The following PIGG variants were observed in gnomAD, a reference collection of about 807,000 sequenced individuals.
PIGG encodes GPI ethanolamine phosphate transferase 2, catalytic subunit.
A neutral mutation model predicts 83.2 loss-of-function variants in PIGG; 70 were observed. The ratio of observed to expected loss-of-function variants is 0.84; its 90% CI spans 0.69 to 1.03. The LOEUF is 1.03. Among genes scored for constraint, PIGG ranks in the 50% least tolerant of loss-of-function variants. The probability of loss-of-function intolerance (pLI) is 0.00; values close to 1 mark genes in which losing one functional copy is unlikely to be tolerated. For missense variants in PIGG, 1,257 were observed against 1,233.6 expected, an observed-to-expected ratio of 1.02 and a Z score of -0.28; for synonymous variants, 532 against 519.5, an observed-to-expected ratio of 1.02 and a Z score of -0.33.
At chr4:527,747 G>A (rs1728055542) in intron 10 of PIGG, 2 of 985,358 alleles carry the variant, frequency 2.0e-6, no homozygotes, top group Non-Finnish European at 2.4e-6. Flanking sequence ...TTGGCGGGAG[G>A]GCTCAGTCAG....
intron 4 of PIGG, 31 bp from the exon 5 acceptor site, chr4:508,798 G>T (rs374723294): frequency 1.9e-6 from 3 of 1,609,402 alleles, no homozygotes; most frequent in Non-Finnish European, 2.6e-6. Flanking sequence ...CAGTCTGAAC[G>T]CAGTTGAAAT....
intron 2 of PIGG, among the ~76,000 whole-genome samples, chr4:504,950 G>C (rs944764802): frequency 6.6e-6 from 1 of 152,162 alleles, no homozygotes; most frequent in South Asian, 2.1e-4. Context: ...GCAAATTGCT[G>C]AAAGTTCACG....
chr4:524,780 C>G lies in PIGG; in HGVS notation c.2069+867C>G, dbSNP rs531018814. On this transcript the variant is annotated intron_variant, in intron 9 of 12. Coordinates refer to ENST00000453061, the MANE Select transcript of PIGG (RefSeq NM_001127178.3). The stretch of plus-strand genomic sequence containing the variant: ...TCAAGAGATTCTCCTGTCTCAGCCC[C>G]CTGAGTAGCTGGGATTACAGGCGCC... The G allele has an allele frequency of 3.3e-5, 5 of 152,258 alleles. No homozygotes were observed. In the East Asian group the frequency reaches 9.7e-4, roughly 29 times the overall value. The allele number at this position is 152,258 out of a possible 1,614,324, so 9.4% of individuals were successfully genotyped here.
Position 527,385 on chromosome 4 carries a change from G to A in PIGG, c.2261+155G>A, listed in dbSNP as rs1486851949. Reference sequence around the variant, plus strand: ...AGTTTGGTGTTTGTGAATTGTGATTGTGTCAACAGCTACTGGAGTGTAACT... The same window carrying A: ...AGTTTGGTGTTTGTGAATTGTGATTATGTCAACAGCTACTGGAGTGTAACT... On this transcript the variant is annotated intron_variant, in intron 10 of 12. Coordinates refer to ENST00000453061, the MANE Select transcript of PIGG (RefSeq NM_001127178.3). The A allele has an allele frequency of 2.9e-6, 4 of 1,389,242 alleles. No individual in the cohort carries two copies. In the South Asian group the frequency reaches 5.1e-5, roughly 18 times the overall value. 86.1% of individuals were successfully genotyped at this position (1,389,242 alleles called of 1,614,324 possible). A position where few individuals can be genotyped will look rare whatever the true frequency, so the allele number is the denominator to read the frequency against.
At chr4:517,468 G>A (rs969942865) in intron 6 of PIGG, among the ~76,000 whole-genome samples, 5 of 152,172 alleles carry the variant, frequency 3.3e-5, no homozygotes, top group African/African-American at 7.2e-5. Context: ...CGACTTAGGA[G>A]GAACAGTTCT....
rs528670512 is a variant in PIGG, at chr4:520,990, A to G, written c.1115-66A>G. 2.1e-5 allele frequency: 23 copies of G among 1,100,388 alleles called. No individual in the cohort carries two copies. The African/African-American group carries it at 2.6e-4, about 13-fold the overall frequency. 68.2% of individuals were successfully genotyped at this position (1,100,388 alleles called of 1,614,324 possible). The stretch of plus-strand genomic sequence containing the variant: ...GCCATGCATAACCGAATACTTTGAG[A>G]TTATGTATATAAATGTATGTTCACG... On this transcript the variant is annotated intron_variant, in intron 6 of 12. Transcript: ENST00000453061.
chr4:500,465 C>G lies in PIGG; in HGVS notation c.224C>G (p.Ala75Gly). The G allele has an allele frequency of 6.2e-7, 1 of 1,613,506 alleles. No homozygotes were observed. The highest frequency in any genetic ancestry group is 1.7e-5 in the Admixed American group (1 of 60,012). The change falls in exon 2 of 13, where the codon GCC becomes GGC. Residue 75 changes from alanine to glycine, a missense_variant. Physicochemically the swap from Ala to Gly is moderately conservative, Grantham distance 60. Coordinates refer to ENST00000453061, the MANE Select transcript of PIGG (RefSeq NM_001127178.3). ...AAAGTTGTTATTGTTCTGATAGATG[C>G]CTTGAGAGATGATTTTGTGTTTGGG... is the stretch of plus-strand genomic sequence containing the variant. ...FSKVVIVLIDALRDDFVFGSK... is the reference protein window; with the variant it reads ...FSKVVIVLIDGLRDDFVFGSK...
chr4:516,533 C>T (rs762469896), intron 6 of PIGG, among the ~76,000 whole-genome samples: 4 of 152,096 alleles, frequency 2.6e-5, no homozygotes, highest in African/African-American at 4.8e-5. Flanking sequence ...AGGAAGTGAT[C>T]GATGGCCGAT....
At chr4:538,841 C>A (rs1731391809) in intron 12 of PIGG, among the ~76,000 whole-genome samples, 2 of 152,200 alleles carry the variant, frequency 1.3e-5, no homozygotes, top group African/African-American at 4.8e-5. Context: ...GTGGCCCTCA[C>A]CCATCCTTCT....
At chr4:508,166 G>A (rs1209288722) in intron 4 of PIGG, among the ~76,000 whole-genome samples, 1 of 152,254 alleles carries the variant, frequency 6.6e-6, no homozygotes, top group Non-Finnish European at 1.5e-5. Context: ...TATGTGAGGA[G>A]GTGATGGGTG....
intron 8 of PIGG, 136 bp downstream of exon 8, chr4:522,077 G>A: frequency 1.1e-6 from 1 of 896,180 alleles, no homozygotes; most frequent in Non-Finnish European, 1.8e-6. Context: ...GCCCTGGACA[G>A]GGGGCCTCAG....
At chr4:520,936 A>G in intron 6 of PIGG, 120 bp from the exon 7 acceptor site, 1 of 698,712 alleles carries the variant, frequency 1.4e-6, no homozygotes. Context: ...ATTAAGCGTC[A>G]GTTGTGAAAA....
intron 5 of PIGG, among the ~76,000 whole-genome samples, chr4:510,212 C>G (rs1293641674): frequency 6.6e-6 from 1 of 152,184 alleles, no homozygotes; most frequent in Non-Finnish European, 1.5e-5. Context: ...GCAAACCAGT[C>G]ATTAGCATTG....
intron 6 of PIGG, among the ~76,000 whole-genome samples, chr4:517,923 T>C (rs564614167): frequency 6.6e-6 from 1 of 152,226 alleles, no homozygotes; most frequent in Non-Finnish European, 1.5e-5. Context: ...GACTCCTATT[T>C]GGGGGCAGCA....
In PIGG at chr4:500,591, C is replaced by T; in HGVS notation, c.350C>T (p.Pro117Leu). 6.3e-7 allele frequency: 1 copy of T among 1,599,460 alleles called. No homozygotes were observed. Among genetic ancestry groups the T allele is most frequent in the Non-Finnish European group, 8.6e-7 (1 of 1,166,646 alleles). Residue 117 changes from proline (P) to leucine (L), a missense_variant, in exon 2 of 13, where the codon CCT becomes CTT. By Grantham distance (98) the Pro-to-Leu change is moderately conservative (BLOSUM62 -3). Transcript: ENST00000453061. ...AEAKPPTVTMPRIKALMTGSL... is the reference protein window; with the variant it reads ...AEAKPPTVTMLRIKALMTGSL... ...GCAAAGCCACCTACAGTTACTATGC[C>T]TCGAATCAAGGTAAGTTTGCCTTAA...
intron 11 of PIGG, chr4:532,949 TTGGAG>T (rs1448982749): frequency 7.0e-6 from 1 of 142,254 alleles, no homozygotes. Context: ...GGGTGTGGTC[TTGGAG>T]TGGAGAGGCG....
At chr4:530,337 A>T (rs111393384) in intron 10 of PIGG, 99 bp from the exon 11 acceptor site, 3 of 834,940 alleles carry the variant, frequency 3.6e-6, no homozygotes, top group Non-Finnish European at 3.9e-6. Flanking sequence ...CTGGACATTT[A>T]CTGGTTCCCT....
At chr4:532,695 A>C (rs929456562) in intron 11 of PIGG, 5 of 152,450 alleles carry the variant, frequency 3.3e-5, no homozygotes, top group African/African-American at 1.2e-4. Flanking sequence ...GGAAGGAGCC[A>C]AGCTGGTGAG....
At position 528,427 on chromosome 4, in the gene PIGG, C is replaced by A; in HGVS notation, c.2261+1197C>A. 1.0e-6 allele frequency: 1 copy of A among 985,234 alleles called. No individual in the cohort carries two copies. Among genetic ancestry groups the A allele is most frequent in the Non-Finnish European group, 1.2e-6 (1 of 829,860 alleles). The allele number at this position is 985,234 out of a possible 1,614,324, so 61.0% of individuals were successfully genotyped here. A position where few individuals can be genotyped will look rare whatever the true frequency, so the allele number is the denominator to read the frequency against. ...GGGCTGTGGCCAGCCTGAGGGGTGG[C>A]CGTGGGGCTCCGGGGGCACCCCTGG... On this transcript the variant is annotated intron_variant, in intron 10 of 12. Transcript: ENST00000453061. This position sits in a 1 kb window ranked among gnomAD's most constrained non-coding sequence, Gnocchi z 4.8.
Sources: gnomAD v4.1 joint callset for allele counts (sites outside exome capture counted in the v4.1 genomes callset) on GRCh38, gnomAD v4.1.1 for gene constraint, Gnocchi (gnomAD v3.1) non-coding constraint, MANE v1.5 for transcripts, NCBI Gene and HGNC (gene_info 2026-07-23, HGNC 2026-07-21) for gene names.